CPD: variants seen among roughly 807,000 people sequenced by gnomAD.
The protein encoded by CPD is carboxypeptidase D, also known as metallocarboxypeptidase D.
Under a neutral mutation model 138.3 loss-of-function variants are expected in CPD, and 69 were observed. The observed-to-expected ratio is 0.50, with a 90% CI of 0.41 to 0.61. The LOEUF is 0.61. CPD is among the 20% of genes least tolerant of loss of function. The pLI, the probability that CPD is intolerant of heterozygous loss-of-function variation, is 0.00. For synonymous variants in CPD, 651 were observed against 642.1 expected, an observed-to-expected ratio of 1.01 and a Z score of -0.21; for missense variants, 1,432 against 1,733.3, an observed-to-expected ratio of 0.83 and a Z score of 3.09.
At chr17:30,422,037 C>CATAGTTGT in intron 4 of CPD, among the ~76,000 whole-genome samples, 1 of 152,132 alleles carries the variant, frequency 6.6e-6, no homozygotes, top group Non-Finnish European at 1.5e-5. Flanking sequence ...GGATGTGAAG[C>CATAGTTGT]ATAGTTGTAG....
intron 20 of CPD, among the ~76,000 whole-genome samples, chr17:30,464,373 T>G (rs1426453219): frequency 6.6e-6 from 1 of 152,096 alleles, no homozygotes; most frequent in African/African-American, 2.4e-5. Flanking sequence ...TATAGGAGGT[T>G]TTTTGGTTTT....
chr17:30,431,785 T>G lies in CPD; in HGVS notation c.2031T>G (p.Val677=), dbSNP rs16965763. ...TTTCCCTTATAGGTTCTTTGGTGGT[T>G]AACTACCCTTTTGATGATGATGAAC... The part of the protein sequence containing the change: ...SANLHGGSLV[V]NYPFDDDEQG... Residue 677 remains valine (V), a synonymous_variant, in exon 8 of 21, where the codon GTT becomes GTG. Transcript: ENST00000225719. The G allele has an allele frequency of 4.2e-4, 680 of 1,610,888 alleles. 3 individuals carry two copies. In the African/African-American group the frequency reaches 8.2e-3, roughly 20 times the overall value.
At chr17:30,458,471 CT>C (rs923387387) in intron 17 of CPD, among the ~76,000 whole-genome samples, 14 of 151,878 alleles carry the variant, frequency 9.2e-5, no homozygotes, top group Non-Finnish European at 1.9e-4. Context: ...GTTTTCTTTT[CT>C]TTTTTTTGGA....
chr17:30,460,155 C>T (rs1567885438), intron 17 of CPD, among the ~76,000 whole-genome samples: 1 of 152,094 alleles, frequency 6.6e-6, no homozygotes, highest in Non-Finnish European at 1.5e-5. Flanking sequence ...GGCATTTGGG[C>T]TGCAGAGATA....
intron 8 of CPD, among the ~76,000 whole-genome samples, chr17:30,434,157 G>A (rs983013698): frequency 1.2e-4 from 18 of 152,152 alleles, no homozygotes; most frequent in African/African-American, 4.3e-4. Flanking sequence ...CAAAGACAAT[G>A]ATGGCTATGT....
At chr17:30,417,115 A>G (rs1052381709) in intron 2 of CPD, among the ~76,000 whole-genome samples, 1 of 152,018 alleles carries the variant, frequency 6.6e-6, no homozygotes, top group East Asian at 1.9e-4. Flanking sequence ...AAAAAAAAAA[A>G]ATTCTGCATA....
intron 2 of CPD, among the ~76,000 whole-genome samples, chr17:30,411,185 C>T (rs1911959226): frequency 6.6e-6 from 1 of 152,106 alleles, no homozygotes; most frequent in Non-Finnish European, 1.5e-5. Context: ...GAATATTGGC[C>T]CCCACTCTCT....
intron 2 of CPD, among the ~76,000 whole-genome samples, chr17:30,409,288 C>T (rs1247280293): frequency 2.0e-5 from 3 of 152,026 alleles, no homozygotes; most frequent in African/African-American, 7.2e-5. Context: ...TTCGCATCGA[C>T]ATTCATCAGG....
At chr17:30,409,861 T>C (rs968438531) in intron 2 of CPD, among the ~76,000 whole-genome samples, 1 of 152,238 alleles carries the variant, frequency 6.6e-6, no homozygotes, top group Non-Finnish European at 1.5e-5. Flanking sequence ...TCTCCTTCAG[T>C]TCTGCTCTGA....
chr17:30,447,811 T>A (rs1315147391), intron 12 of CPD, among the ~76,000 whole-genome samples: 3 of 152,220 alleles, frequency 2.0e-5, no homozygotes, highest in Non-Finnish European at 2.9e-5. Flanking sequence ...TTGTGGTGGT[T>A]GCTCTGCCTC....
chr17:30,453,289 G>A (rs1485792035), intron 14 of CPD, among the ~76,000 whole-genome samples: 1 of 152,204 alleles, frequency 6.6e-6, no homozygotes, highest in Admixed American at 6.5e-5. Context: ...TAAAATAGGG[G>A]TACAGGCATT....
At chr17:30,449,099 C>A (rs1913100911) in intron 12 of CPD, among the ~76,000 whole-genome samples, 1 of 151,580 alleles carries the variant, frequency 6.6e-6, no homozygotes, top group South Asian at 2.1e-4. Flanking sequence ...CATAGTGAGA[C>A]CCTGTCTCTT....
In CPD at chr17:30,466,669, C is replaced by T. The variant is rs1488970389; in HGVS notation, c.*1855C>T. Reference sequence around the variant, plus strand: ...TTTAAGAGTACAGTCAGGAAACCAACAAGGGGCCTAAGAGTGGCTGCCCCT... The same window carrying T: ...TTTAAGAGTACAGTCAGGAAACCAATAAGGGGCCTAAGAGTGGCTGCCCCT... On this transcript the variant is annotated 3_prime_UTR_variant, in exon 21 of 21. Transcript: ENST00000225719. The T allele has an allele frequency of 6.6e-6, 1 of 152,592 alleles. No homozygotes were observed. Among genetic ancestry groups the T allele is most frequent in the African/African-American group, 2.4e-5 (1 of 41,438 alleles). The allele number at this position is 152,592 out of a possible 1,614,324, so 9.5% of individuals were successfully genotyped here. A position where few individuals can be genotyped will look rare whatever the true frequency, so the allele number is the denominator to read the frequency against.
intron 2 of CPD, among the ~76,000 whole-genome samples, chr17:30,405,790 C>T (rs994365306): frequency 2.6e-5 from 4 of 151,998 alleles, no homozygotes; most frequent in Non-Finnish European, 5.9e-5. Context: ...CAGAAATTCT[C>T]ACAAAGTTAC....
At chr17:30,428,886 A>AAC (rs996001110) in intron 7 of CPD, among the ~76,000 whole-genome samples, 2 of 152,002 alleles carry the variant, frequency 1.3e-5, no homozygotes, top group African/African-American at 4.8e-5. Context: ...AACTACTAAA[A>AAC]AAAAAAAAGT....
intron 8 of CPD, among the ~76,000 whole-genome samples, chr17:30,438,727 A>G (rs1259279028): frequency 2.0e-5 from 3 of 152,216 alleles, no homozygotes; most frequent in Non-Finnish European, 4.4e-5. Flanking sequence ...AATGAAGTCA[A>G]TATTTTCTTA....
At chr17:30,397,850 A>T (rs564184485) in intron 2 of CPD, among the ~76,000 whole-genome samples, 1 of 151,168 alleles carries the variant, frequency 6.6e-6, no homozygotes, top group African/African-American at 2.4e-5. Flanking sequence ...TTTTATTTGG[A>T]TATATTTAAA....
At chr17:30,431,324 TGTTAA>T (rs1181846195) in intron 7 of CPD, among the ~76,000 whole-genome samples, 2 of 152,172 alleles carry the variant, frequency 1.3e-5, no homozygotes, top group Non-Finnish European at 2.9e-5. Context: ...TTGTCTTTGT[TGTTAA>T]GTTGTAAGAG....
intron 2 of CPD, among the ~76,000 whole-genome samples, chr17:30,394,373 C>T (rs1251078234): frequency 3.9e-5 from 6 of 152,112 alleles, no homozygotes; most frequent in Admixed American, 6.6e-5. Flanking sequence ...GTGCTTTTCA[C>T]CAGTTTAGCT....
Sources: allele counts gnomAD v4.1 joint callset (sites outside exome capture counted in the v4.1 genomes callset), GRCh38; gene constraint gnomAD v4.1.1; transcripts MANE v1.5; gene names NCBI Gene and HGNC (gene_info 2026-07-23, HGNC 2026-07-21).